Variants in SMLR1 observed in about 807,000 individuals in gnomAD.
SMLR1 encodes small leucine-rich protein 1.
SMLR1 carries 3 observed loss-of-function variants against 6.1 expected under a neutral mutation model. That is an observed-to-expected ratio of 0.49 (90% CI 0.22 to 1.28). The LOEUF (loss-of-function observed/expected upper bound fraction) is 1.28, where lower values mean the gene tolerates loss of function less well. SMLR1 is among the 50% of genes most tolerant of loss of function. The pLI is 0.19. For missense variants in SMLR1, 126 were observed against 124.8 expected (o/e 1.01, Z -0.05); for synonymous variants, 55 against 53.6 (o/e 1.03, Z -0.11).
rs1385069614 is a variant in SMLR1, at chr6:130,828,042, G to A, written c.238+391G>A. 2.3e-5 allele frequency among the ~76,000 whole-genome samples: 3 copies of A among 132,280 alleles called. No individual in the cohort carries two copies. The Admixed American group carries it at 2.4e-4, about 11-fold the overall frequency. 86.8% of individuals were successfully genotyped at this position (132,280 alleles called of 152,430 possible). Reference sequence around the variant, plus strand: ...TGTTTATGTGGCCATGTGTGTGCATGTCCGTGCGTGTGTATGCGCCCGTGT... The same window carrying A: ...TGTTTATGTGGCCATGTGTGTGCATATCCGTGCGTGTGTATGCGCCCGTGT... On this transcript the variant is annotated intron_variant, in intron 1 of 1. Transcript: ENST00000541421.
chr6:130,832,807 T>C (rs897843923), intron 1 of SMLR1, among the ~76,000 whole-genome samples: 6 of 152,126 alleles, frequency 3.9e-5, no homozygotes, highest in Non-Finnish European at 4.4e-5. Context: ...GAGTCCTCAG[T>C]AGGGGTTCTA....
At chr6:130,829,586 G>A (rs1490359765) in intron 1 of SMLR1, among the ~76,000 whole-genome samples, 2 of 152,140 alleles carry the variant, frequency 1.3e-5, no homozygotes, top group South Asian at 2.1e-4. Flanking sequence ...TTCCCTGCCC[G>A]TGCAAGTTAT....
intron 1 of SMLR1, among the ~76,000 whole-genome samples, chr6:130,832,488 G>C (rs1298235020): frequency 6.6e-6 from 1 of 152,122 alleles, no homozygotes; most frequent in Non-Finnish European, 1.5e-5. Context: ...CTCCTGGTCT[G>C]TAAAATAGAA....
rs916931089 is a variant in SMLR1 at position 130,836,925 on chromosome 6, G to A, written c.*1970G>A. The stretch of plus-strand genomic sequence containing the variant: ...CTTGGCCTCCACCTAGACCAAGTCG[G>A]CAGTCTCCCTACATTACCCTACATT... On this transcript the variant is annotated 3_prime_UTR_variant, in exon 2 of 2. Coordinates refer to ENST00000541421, the MANE Select transcript of SMLR1 (RefSeq NM_001195597.2). 12 of 152,168 alleles carry A rather than the reference G, an allele frequency of 7.9e-5. No individual in the cohort carries two copies. The highest frequency in any genetic ancestry group is 2.9e-4 in the African/African-American group (12 of 41,496). The allele number at this position is 152,168 out of a possible 1,614,324, so 9.4% of individuals were successfully genotyped here. A position where few individuals can be genotyped will look rare whatever the true frequency, so the allele number is the denominator to read the frequency against.
intron 1 of SMLR1, among the ~76,000 whole-genome samples, chr6:130,832,899 A>C (rs1346997724): frequency 6.6e-6 from 1 of 152,110 alleles, no homozygotes; most frequent in Non-Finnish European, 1.5e-5. Context: ...ATTTTACAAC[A>C]TCTTTGAAGA....
Position 130,837,116 on chromosome 6 carries a change from C to G in SMLR1, c.*2161C>G, listed in dbSNP as rs1219072554. 6.6e-6 allele frequency: 1 copy of G among 152,114 alleles called. No individual in the cohort carries two copies. The highest frequency in any genetic ancestry group is 2.4e-5 in the African/African-American group (1 of 41,422). 9.4% of individuals were successfully genotyped at this position (152,114 alleles called of 1,614,324 possible). ...CTCCAACTGGAGACCTTCAATAAAA[C>G]ACTTCAATAGGTGCTTTAATTTCTG... On this transcript the variant is annotated 3_prime_UTR_variant, in exon 2 of 2. Coordinates refer to ENST00000541421, the MANE Select transcript of SMLR1 (RefSeq NM_001195597.2).
At chr6:130,828,223 A>C (rs1774338490) in intron 1 of SMLR1, among the ~76,000 whole-genome samples, 1 of 152,186 alleles carries the variant, frequency 6.6e-6, no homozygotes, top group African/African-American at 2.4e-5. Flanking sequence ...GGTGGAAAAA[A>C]ACCAAACCAA....
chr6:130,832,000 C>T (rs1037968967), intron 1 of SMLR1, among the ~76,000 whole-genome samples: 8 of 152,238 alleles, frequency 5.3e-5, no homozygotes, highest in Middle Eastern at 3.4e-3. Context: ...TCTAACATCC[C>T]GCACTCTTCA....
chr6:130,835,307 C>T lies in SMLR1; in HGVS notation c.*352C>T, dbSNP rs1774619667. 5.6e-6 allele frequency: 1 copy of T among 180,032 alleles called. No individual in the cohort carries two copies. The highest frequency in any genetic ancestry group is 2.3e-5 in the African/African-American group (1 of 42,672). 11.2% of individuals were successfully genotyped at this position (180,032 alleles called of 1,614,324 possible). A position where few individuals can be genotyped will look rare whatever the true frequency, so the allele number is the denominator to read the frequency against. Reference sequence around the variant, plus strand: ...TTACTACATAATCCCATAGGAACCCCTATTATTCCGATTTTAGAGGTGAAG... The same window carrying T: ...TTACTACATAATCCCATAGGAACCCTTATTATTCCGATTTTAGAGGTGAAG... On this transcript the variant is annotated 3_prime_UTR_variant, in exon 2 of 2. Transcript: ENST00000541421.
At position 130,835,195 on chromosome 6, in the gene SMLR1, A is replaced by G; in HGVS notation, c.*240A>G. 1 of 447,892 alleles carries G rather than the reference A, an allele frequency of 2.2e-6. No homozygotes were observed. The highest frequency in any genetic ancestry group is 4.0e-6 in the Non-Finnish European group (1 of 247,060). 27.7% of individuals were successfully genotyped at this position (447,892 alleles called of 1,614,324 possible). On this transcript the variant is annotated 3_prime_UTR_variant, in exon 2 of 2. Coordinates refer to ENST00000541421, the MANE Select transcript of SMLR1 (RefSeq NM_001195597.2). ...CCAAGAATGGATTTCCTGGGTATAT[A>G]CACTGGACACATTGTAACTTTTTAA...
rs1158423260 is a variant in SMLR1 at position 130,835,970 on chromosome 6, A to G, written c.*1015A>G. On this transcript the variant is annotated 3_prime_UTR_variant, in exon 2 of 2. Transcript: ENST00000541421. ...GGCTGAGTGATCCACTTTATAAAAC[A>G]TAATGAATGGGGTCACCTGTAAGAA... is the stretch of plus-strand genomic sequence containing the variant. The G allele has an allele frequency of 6.6e-6, 1 of 152,200 alleles. No individual in the cohort carries two copies. The highest frequency in any genetic ancestry group is 1.9e-4 in the East Asian group (1 of 5,196). The allele number at this position is 152,200 out of a possible 1,614,324, so 9.4% of individuals were successfully genotyped here.
chr6:130,827,766 T>TA, intron 1 of SMLR1, 115 bp downstream of exon 1: 6 of 682,598 alleles, frequency 8.8e-6, no homozygotes, highest in Middle Eastern at 3.8e-4. Context: ...ATATATATAT[T>TA]TTGTAGGTAC....
chr6:130,835,100 C>T lies in SMLR1; in HGVS notation c.*145C>T, dbSNP rs1184958887. The T allele has an allele frequency of 3.0e-6, 2 of 672,498 alleles. No homozygotes were observed. The highest frequency in any genetic ancestry group is 2.5e-6 in the Non-Finnish European group (1 of 399,438). The allele number at this position is 672,498 out of a possible 1,614,324, so 41.7% of individuals were successfully genotyped here. On this transcript the variant is annotated 3_prime_UTR_variant, in exon 2 of 2. Transcript: ENST00000541421. ...ACTAAGATACTCATTCTGAACCATA[C>T]TGAAAAGTGGCAGCTATTATCTAAG...
chr6:130,831,521 C>T (rs1204796227), intron 1 of SMLR1, among the ~76,000 whole-genome samples: 6 of 152,098 alleles, frequency 3.9e-5, no homozygotes, highest in African/African-American at 7.2e-5. Context: ...AGTTCTGGCA[C>T]CATTTTCCTA....
chr6:130,829,755 G>A (rs1774384394), intron 1 of SMLR1, among the ~76,000 whole-genome samples: 2 of 152,136 alleles, frequency 1.3e-5, no homozygotes, highest in Admixed American at 1.3e-4. Context: ...ATTCTGACAT[G>A]CTACTGAGCT....
Position 130,837,134 on chromosome 6 carries a change from A to T in SMLR1, c.*2179A>T, listed in dbSNP as rs1215443546. On this transcript the variant is annotated 3_prime_UTR_variant, in exon 2 of 2. Transcript: ENST00000541421. ...AATAAAACACTTCAATAGGTGCTTT[A>T]ATTTCTGTCACATTGTCATTATTTA... 2 of 152,182 alleles carry T rather than the reference A, an allele frequency of 1.3e-5. No individual in the cohort carries two copies. The highest frequency in any genetic ancestry group is 4.8e-5 in the African/African-American group (2 of 41,448). 9.4% of individuals were successfully genotyped at this position (152,182 alleles called of 1,614,324 possible). A position where few individuals can be genotyped will look rare whatever the true frequency, so the allele number is the denominator to read the frequency against.
At position 130,827,464 on chromosome 6, in the gene SMLR1, G is replaced by A. The variant is rs1185330683; in HGVS notation, c.51G>A (p.Arg17=). The part of the protein sequence containing the change: ...SPRRKQVQTQ[R]KAALVLSVTP... ...GAAGAAAACAAGTACAGACTCAGAGGAAAGCTGCCCTGGTCCTGAGTGTGA... is the reference window on the plus strand; with the variant it reads ...GAAGAAAACAAGTACAGACTCAGAGAAAAGCTGCCCTGGTCCTGAGTGTGA... Residue 17 remains arginine, a synonymous_variant, in exon 1 of 2, where the codon AGG becomes AGA. Transcript: ENST00000541421. The A allele has an allele frequency of 6.5e-7, 1 of 1,536,014 alleles. No homozygotes were observed. Among genetic ancestry groups the A allele is most frequent in the South Asian group, 1.2e-5 (1 of 84,058 alleles).
At chr6:130,832,039 T>C (rs1774468296) in intron 1 of SMLR1, among the ~76,000 whole-genome samples, 1 of 152,170 alleles carries the variant, frequency 6.6e-6, no homozygotes, top group Admixed American at 6.6e-5. Flanking sequence ...GAGGAGTAGC[T>C]CTTGGGGTGG....
In SMLR1 at chr6:130,837,012, A is replaced by C. The variant is rs144310945; in HGVS notation, c.*2057A>C. ...GCCAGAAATGCTCCCACAACCCTCA[A>C]TGGTCTCACTACAACAGTTCCGAAT... is the stretch of plus-strand genomic sequence containing the variant. On this transcript the variant is annotated 3_prime_UTR_variant, in exon 2 of 2. Coordinates refer to ENST00000541421, the MANE Select transcript of SMLR1 (RefSeq NM_001195597.2). The C allele has an allele frequency of 6.6e-6, 1 of 152,086 alleles. No homozygotes were observed. Among genetic ancestry groups the C allele is most frequent in the Non-Finnish European group, 1.5e-5 (1 of 68,048 alleles). 9.4% of individuals were successfully genotyped at this position (152,086 alleles called of 1,614,324 possible). A position where few individuals can be genotyped will look rare whatever the true frequency, so the allele number is the denominator to read the frequency against.
Sources: gnomAD v4.1 joint callset for allele counts (sites outside exome capture counted in the v4.1 genomes callset) on GRCh38, gnomAD v4.1.1 for gene constraint, MANE v1.5 for transcripts, NCBI Gene and HGNC (gene_info 2026-07-23, HGNC 2026-07-21) for gene names.